Variants in BTBD8 observed in about 807,000 individuals in gnomAD.
BTBD8 encodes BTB/POZ domain-containing protein 8.
BTBD8 carries 110 observed loss-of-function variants against 162.9 expected under a neutral mutation model. The ratio of observed to expected loss-of-function variants is 0.68; its 90% CI spans 0.58 to 0.79. The LOEUF (loss-of-function observed/expected upper bound fraction) is 0.79. Ranked by LOEUF, BTBD8 falls within the 30% of genes least tolerant of loss-of-function variation. BTBD8 has a pLI of 0.00. For synonymous variants in BTBD8, 667 were observed against 716.1 expected (o/e 0.93, Z 1.10); for missense variants, 1,905 against 2,085.4 (o/e 0.91, Z 1.68).
In BTBD8 at chr1:92,088,757, A is replaced by G. The variant is rs1435718093; in HGVS notation, c.209A>G (p.Lys70Arg). 4 of 1,612,948 alleles carry G rather than the reference A, an allele frequency of 2.5e-6. No individual in the cohort carries two copies. The highest frequency in any genetic ancestry group is 3.4e-6 in the Non-Finnish European group (4 of 1,179,302). ...TTCTCTGTGGGTTGTACTTTGTTCA[A>G]AGCACACAAAGCAGTCCTTTTAGCA... The part of the protein sequence containing the change: ...VTFSVGCTLF[K>R]AHKAVLLARV... The change falls in exon 2 of 18, where the codon AAA (lysine) becomes AGA (arginine). Residue 70 changes from lysine to arginine, a missense_variant. Lys to Arg is a conservative substitution (Grantham distance 26). This residue lies in a region of BTBD8 where 1,374 missense variants were observed against 1,442.7 expected (regional missense o/e 0.95). Coordinates refer to ENST00000636805, the MANE Select transcript of BTBD8 (RefSeq NM_001376131.1).
At position 92,107,567 on chromosome 1, in the gene BTBD8, G is replaced by T. The variant is rs80102359; in HGVS notation, c.545-317G>T. Among the ~76,000 whole-genome samples the T allele has an allele frequency of 9.3e-3, 1,410 of 152,250 alleles. 13 individuals carry two copies. The highest frequency in any genetic ancestry group is 0.035 in the South Asian group (171 of 4,818). On this transcript the variant is annotated intron_variant, in intron 3 of 17. Transcript: ENST00000636805. The stretch of plus-strand genomic sequence containing the variant: ...GTAATAGGCTATATCATCTAGGTTT[G>T]TGTGAGTACACTCTGTGATGTTCAC...
At chr1:92,101,880 T>C (rs1018787577) in intron 2 of BTBD8, among the ~76,000 whole-genome samples, 2 of 152,074 alleles carry the variant, frequency 1.3e-5, no homozygotes, top group African/African-American at 4.8e-5. Context: ...AAATTTTTTG[T>C]AAAGACGAGG....
intron 2 of BTBD8, 107 bp from the exon 3 acceptor site, chr1:92,102,366 G>C: frequency 1.0e-6 from 1 of 961,190 alleles, no homozygotes; most frequent in Non-Finnish European, 1.4e-6. Flanking sequence ...TCCAAATTAA[G>C]AAGGTTTAAT....
rs1374424957 is a variant in BTBD8 at position 92,180,921 on chromosome 1, G to T, written c.3238G>T (p.Val1080Leu). The change falls in exon 17 of 18, where the codon GTA becomes TTA. Residue 1080 changes from valine (V) to leucine (L), a missense_variant. Physicochemically the swap from Val to Leu is conservative, Grantham distance 32. Coordinates refer to ENST00000636805, the MANE Select transcript of BTBD8 (RefSeq NM_001376131.1). ...TTGTCATTCTGTTGGGAGTGATAATGTAAATTCAAAATTTTATAGCACCAC... is the reference window on the plus strand; with the variant it reads ...TTGTCATTCTGTTGGGAGTGATAATTTAAATTCAAAATTTTATAGCACCAC... ...ICCHSVGSDN[V>L]NSKFYSTTAL... The T allele has an allele frequency of 3.9e-6, 6 of 1,551,516 alleles. No individual in the cohort carries two copies. The highest frequency in any genetic ancestry group is 5.2e-6 in the Non-Finnish European group (6 of 1,146,976).
intron 6 of BTBD8, 143 bp downstream of exon 6, chr1:92,139,573 A>G (rs1252438793): frequency 5.4e-6 from 7 of 1,303,070 alleles, no homozygotes; most frequent in Non-Finnish European, 6.8e-6. Flanking sequence ...GAGAACATCT[A>G]AAAACAATAA....
chr1:92,184,525 TCTC>T lies in BTBD8; in HGVS notation c.*196_*198del. 1 of 410,312 alleles carries T rather than the reference TCTC, an allele frequency of 2.4e-6. No individual in the cohort carries two copies. Among genetic ancestry groups the T allele is most frequent in the South Asian group, 6.1e-5 (1 of 16,496 alleles). The allele number at this position is 410,312 out of a possible 1,614,324, so 25.4% of individuals were successfully genotyped here. On this transcript the variant is annotated 3_prime_UTR_variant, in exon 18 of 18. Coordinates refer to ENST00000636805, the MANE Select transcript of BTBD8 (RefSeq NM_001376131.1). The stretch of plus-strand genomic sequence containing the variant: ...TTTTCTAAAGTTTTTGAGCATGTTT[TCTC>T]TAATTATTAGAGAAATTAGAAGACT...
intron 6 of BTBD8, among the ~76,000 whole-genome samples, chr1:92,140,280 T>G (rs187148916): frequency 6.6e-5 from 10 of 151,398 alleles, no homozygotes; most frequent in African/African-American, 2.2e-4. Flanking sequence ...CCAAAAAGAA[T>G]ATAGGGCATC....
chr1:92,179,212 C>T (rs1018482710), intron 16 of BTBD8, among the ~76,000 whole-genome samples: 4 of 149,618 alleles, frequency 2.7e-5, no homozygotes, highest in African/African-American at 5.0e-5. Flanking sequence ...TGCCTCTATA[C>T]TCCAGGCTGG....
intron 9 of BTBD8, among the ~76,000 whole-genome samples, chr1:92,157,178 A>G (rs1650179206): frequency 6.6e-6 from 1 of 151,510 alleles, no homozygotes; most frequent in Non-Finnish European, 1.5e-5. Flanking sequence ...CTTTTCTTTG[A>G]CCCATTGGTT....
At position 92,108,010 on chromosome 1, in the gene BTBD8, A is replaced by G; in HGVS notation, c.662+9A>G. On this transcript the variant is annotated intron_variant, in intron 4 of 17. Transcript: ENST00000636805. ...CGTTTTAAAGCTCACAGGTAAATAG[A>G]CACGACTGATTTGCTGTCTTGGTTG... The G allele has an allele frequency of 6.2e-7, 1 of 1,600,422 alleles. No individual in the cohort carries two copies. Among genetic ancestry groups the G allele is most frequent in the Admixed American group, 1.7e-5 (1 of 59,996 alleles).
intron 9 of BTBD8, among the ~76,000 whole-genome samples, chr1:92,151,476 G>C (rs933245272): frequency 1.3e-5 from 2 of 152,070 alleles, no homozygotes; most frequent in Non-Finnish European, 2.9e-5. Flanking sequence ...TATTGGCCCA[G>C]CTATAGTTCT....
At chr1:92,122,549 G>A (rs555305569) in intron 4 of BTBD8, among the ~76,000 whole-genome samples, 9 of 146,908 alleles carry the variant, frequency 6.1e-5, no homozygotes, top group South Asian at 2.2e-4. Context: ...GAGCCACCGC[G>A]CCTGGTCTTT....
chr1:92,155,260 T>C (rs1351892115), intron 9 of BTBD8, among the ~76,000 whole-genome samples: 1 of 152,214 alleles, frequency 6.6e-6, no homozygotes, highest in Non-Finnish European at 1.5e-5. Context: ...TCCGTATGAA[T>C]TTTAGAATTG....
chr1:92,181,774 T>C lies in BTBD8; in HGVS notation c.4091T>C (p.Ile1364Thr), dbSNP rs1475394143. The C allele has an allele frequency of 1.9e-6, 3 of 1,551,324 alleles. No homozygotes were observed. Among genetic ancestry groups the C allele is most frequent in the Non-Finnish European group, 2.6e-6 (3 of 1,146,948 alleles). Reference protein sequence around the residue: ...AIVHSRERENIPRGSVQFAQE... With the variant: ...AIVHSRERENTPRGSVQFAQE... ...GTTCACTCTAGGGAAAGAGAAAATATTCCACGAGGCAGTGTCCAGTTTGCT... is the reference window on the plus strand; with the variant it reads ...GTTCACTCTAGGGAAAGAGAAAATACTCCACGAGGCAGTGTCCAGTTTGCT... The change falls in exon 17 of 18, where the codon ATT (isoleucine) becomes ACT (threonine). Residue 1364 changes from isoleucine (I) to threonine (T), a missense_variant. Ile to Thr is a moderately conservative substitution (Grantham distance 89, BLOSUM62 -1). Coordinates refer to ENST00000636805, the MANE Select transcript of BTBD8 (RefSeq NM_001376131.1).
chr1:92,109,740 G>T (rs1388063325), intron 4 of BTBD8, among the ~76,000 whole-genome samples: 1 of 152,084 alleles, frequency 6.6e-6, no homozygotes, highest in Non-Finnish European at 1.5e-5. Flanking sequence ...AAGGAATATT[G>T]TGTCAGTAGT....
chr1:92,103,393 G>A (rs1351762166), intron 3 of BTBD8, among the ~76,000 whole-genome samples: 1 of 152,168 alleles, frequency 6.6e-6, no homozygotes, highest in East Asian at 1.9e-4. Context: ...TCATTCATAT[G>A]CATTAAGGAT....
At chr1:92,138,127 AG>A (rs1423204666) in intron 5 of BTBD8, among the ~76,000 whole-genome samples, 1 of 152,204 alleles carries the variant, frequency 6.6e-6, no homozygotes, top group Non-Finnish European at 1.5e-5. Context: ...GGGTTACAGC[AG>A]GCTGTTTCTG....
chr1:92,163,435 G>T (rs1650314378), intron 9 of BTBD8, among the ~76,000 whole-genome samples: 1 of 127,574 alleles, frequency 7.8e-6, no homozygotes, highest in Admixed American at 8.3e-5. Flanking sequence ...TATAAAATAA[G>T]AAAATTACAT....
chr1:92,158,602 T>G (rs1479112402), intron 9 of BTBD8, among the ~76,000 whole-genome samples: 1 of 152,206 alleles, frequency 6.6e-6, no homozygotes, highest in Non-Finnish European at 1.5e-5. Context: ...TGCATTTATC[T>G]TTTAGCTTAT....
Sources: gnomAD v4.1 joint callset for allele counts (sites outside exome capture counted in the v4.1 genomes callset) on GRCh38, gnomAD v4.1.1 for gene constraint, gnomAD v4.1.1 regional missense constraint, MANE v1.5 for transcripts, NCBI Gene and HGNC (gene_info 2026-07-23, HGNC 2026-07-21) for gene names.